The following CFAP300 variants were observed in gnomAD, a reference collection of about 807,000 sequenced individuals.
The protein encoded by CFAP300 is cilia- and flagella-associated protein 300.
In CFAP300, 32 loss-of-function variants were observed where a neutral mutation model predicts 33.0. That is an observed-to-expected ratio of 0.97 (90% confidence interval 0.73 to 1.30). The LOEUF (loss-of-function observed/expected upper bound fraction) is 1.30. Ranked by LOEUF, CFAP300 falls within the 50% of genes most tolerant of loss-of-function variation. CFAP300 has a pLI of 0.00. For missense variants in CFAP300, 356 were observed against 318.1 expected, an observed-to-expected ratio of 1.12 and a Z score of -0.90; for synonymous variants, 102 against 106.8, an observed-to-expected ratio of 0.95 and a Z score of 0.28.
intron 2 of CFAP300, 130 bp from the exon 3 acceptor site, chr11:102,058,750 C>G: frequency 1.7e-6 from 1 of 606,026 alleles, no homozygotes. Context: ...CTCTTTATTA[C>G]TCAGACATTT....
intron 3 of CFAP300, among the ~76,000 whole-genome samples, chr11:102,064,170 A>G (rs759622247): frequency 1.8e-4 from 28 of 152,202 alleles, no homozygotes; most frequent in African/African-American, 6.0e-4. Context: ...TGCTATTTTC[A>G]TATCTCTTAT....
At chr11:102,079,133 C>T (rs776476378) in intron 5 of CFAP300, among the ~76,000 whole-genome samples, 12 of 151,970 alleles carry the variant, frequency 7.9e-5, no homozygotes, top group South Asian at 4.1e-4. Flanking sequence ...GATTTTTAAA[C>T]GGAAATAATT....
At chr11:102,058,756 C>T (rs2135022802) in intron 2 of CFAP300, 124 bp from the exon 3 acceptor site, 2 of 623,330 alleles carry the variant, frequency 3.2e-6, no homozygotes, top group Non-Finnish European at 2.8e-6. Context: ...ATTACTCAGA[C>T]ATTTTACCAA....
At position 102,083,172 on chromosome 11, in the gene CFAP300, C is replaced by G. The variant is rs1591069728; in HGVS notation, c.777C>G (p.His259Gln). The stretch of plus-strand genomic sequence containing the variant: ...GGCGTCACCTTCATGTTTTATACCA[C>G]TGTTATGGTGTGGGAGACATGTCTT... ...PIRRHLHVLY[H>Q]CYGVGDMS is the part of the protein sequence containing the mutation. Residue 259 changes from histidine (H) to glutamine (Q), a missense_variant, in exon 7 of 7, where the codon CAC becomes CAG. His to Gln is a conservative substitution (Grantham distance 24, BLOSUM62 0). Coordinates refer to ENST00000434758, the MANE Select transcript of CFAP300 (RefSeq NM_032930.3). 1.9e-6 allele frequency: 3 copies of G among 1,541,194 alleles called. No individual in the cohort carries two copies. Among genetic ancestry groups the G allele is most frequent in the Non-Finnish European group, 1.8e-6 (2 of 1,139,824 alleles).
At chr11:102,079,185 T>C (rs1942440469) in intron 5 of CFAP300, among the ~76,000 whole-genome samples, 1 of 152,202 alleles carries the variant, frequency 6.6e-6, no homozygotes, top group Non-Finnish European at 1.5e-5. Flanking sequence ...TACATACAAT[T>C]TGGTGAATCT....
At chr11:102,069,804 A>G (rs550836016) in intron 4 of CFAP300, among the ~76,000 whole-genome samples, 1 of 152,180 alleles carries the variant, frequency 6.6e-6, no homozygotes, top group East Asian at 1.9e-4. Context: ...CTCCATCTAA[A>G]AAAAGAAAAA....
chr11:102,062,424 A>G (rs556652527), intron 3 of CFAP300, among the ~76,000 whole-genome samples: 27 of 152,140 alleles, frequency 1.8e-4, no homozygotes, highest in Non-Finnish European at 3.4e-4. Flanking sequence ...TACGGACACT[A>G]TGGGCAATTC....
intron 5 of CFAP300, among the ~76,000 whole-genome samples, chr11:102,077,141 C>A (rs1347266480): frequency 6.6e-6 from 1 of 152,112 alleles, no homozygotes; most frequent in Non-Finnish European, 1.5e-5. Context: ...CCACTACTAC[C>A]ACAACGCGTT....
At chr11:102,081,552 C>A (rs760445811) in intron 6 of CFAP300, 3 of 489,374 alleles carry the variant, frequency 6.1e-6, no homozygotes, top group Non-Finnish European at 1.1e-5. Flanking sequence ...GAGTAGAACA[C>A]AGTTCTCTTA....
At chr11:102,064,591 G>A (rs1250787451) in intron 3 of CFAP300, among the ~76,000 whole-genome samples, 1 of 152,226 alleles carries the variant, frequency 6.6e-6, no homozygotes, top group Non-Finnish European at 1.5e-5. Flanking sequence ...AGCCAAAAGA[G>A]CTAGTGTAAA....
intron 3 of CFAP300, among the ~76,000 whole-genome samples, chr11:102,062,352 T>TAG (rs1279024416): frequency 6.6e-6 from 1 of 152,150 alleles, no homozygotes; most frequent in Non-Finnish European, 1.5e-5. Flanking sequence ...CTGTAACAAA[T>TAG]ACCTAAGAAT....
intron 4 of CFAP300, among the ~76,000 whole-genome samples, chr11:102,071,463 A>T (rs922401646): frequency 1.3e-5 from 2 of 152,172 alleles, no homozygotes; most frequent in Admixed American, 6.6e-5. Flanking sequence ...ATGTGAGGAC[A>T]TACTTCTGTC....
intron 3 of CFAP300, among the ~76,000 whole-genome samples, chr11:102,062,019 T>G (rs1008803306): frequency 1.3e-5 from 2 of 152,084 alleles, no homozygotes; most frequent in Admixed American, 1.3e-4. Context: ...AATGTGATGG[T>G]TTTTGGAGAT....
chr11:102,079,134 G>A (rs1351458325), intron 5 of CFAP300, among the ~76,000 whole-genome samples: 3 of 151,934 alleles, frequency 2.0e-5, no homozygotes, highest in Admixed American at 1.3e-4. Flanking sequence ...ATTTTTAAAC[G>A]GAAATAATTT....
chr11:102,065,958 A>G (rs1346968719), intron 3 of CFAP300, among the ~76,000 whole-genome samples: 9 of 146,116 alleles, frequency 6.2e-5, no homozygotes. Context: ...AAATGGTGAG[A>G]TTTTGTTATA....
chr11:102,052,549 A>G (rs765751690), intron 2 of CFAP300, among the ~76,000 whole-genome samples: 1 of 152,250 alleles, frequency 6.6e-6, no homozygotes, highest in Non-Finnish European at 1.5e-5. Flanking sequence ...CTTCACCACT[A>G]GAATGTAAAT....
chr11:102,053,012 G>A (rs542131120), intron 2 of CFAP300, among the ~76,000 whole-genome samples: 55 of 152,264 alleles, frequency 3.6e-4, no homozygotes, highest in Non-Finnish European at 6.8e-4. Context: ...TGGATCACCT[G>A]AGGTCACGAG....
At chr11:102,058,092 A>G (rs1215986821) in intron 2 of CFAP300, 1 of 152,212 alleles carries the variant, frequency 6.6e-6, no homozygotes, top group Non-Finnish European at 1.5e-5. Context: ...GGGCTGCAGC[A>G]AGGGTGACAG....
At chr11:102,073,516 T>C (rs773230006) in intron 4 of CFAP300, among the ~76,000 whole-genome samples, 6 of 152,142 alleles carry the variant, frequency 3.9e-5, no homozygotes, top group Non-Finnish European at 7.4e-5. Flanking sequence ...AGGCGGATCC[T>C]CTTGTGAGTT....
Sources: gnomAD v4.1 joint callset for allele counts (sites outside exome capture counted in the v4.1 genomes callset) on GRCh38, gnomAD v4.1.1 for gene constraint, MANE v1.5 for transcripts, NCBI Gene and HGNC (gene_info 2026-07-23, HGNC 2026-07-21) for gene names.